Variants in PDE1C observed in about 807,000 individuals in gnomAD.
PDE1C encodes phosphodiesterase 1C.
A neutral mutation model predicts 93.1 loss-of-function variants in PDE1C; 62 were observed. The observed-to-expected ratio is 0.67, with a 90% CI of 0.54 to 0.82. The LOEUF (loss-of-function observed/expected upper bound fraction) is 0.82, where lower values mean the gene tolerates loss of function less well. Ranked by LOEUF, PDE1C falls within the 40% of genes least tolerant of loss-of-function variation. The pLI, the probability that PDE1C is intolerant of heterozygous loss-of-function variation, is 0.00. For synonymous variants in PDE1C, 325 were observed against 310.1 expected, an observed-to-expected ratio of 1.05 and a Z score of -0.50; for missense variants, 742 against 884.6, an observed-to-expected ratio of 0.84 and a Z score of 2.04.
intron 1 of PDE1C, among the ~76,000 whole-genome samples, chr7:32,416,992 C>G (rs992895892): frequency 6.6e-6 from 1 of 152,180 alleles, no homozygotes; most frequent in Admixed American, 6.5e-5. Context: ...TAAACACCCA[C>G]CCCATGCCTG....
intron 2 of PDE1C, among the ~76,000 whole-genome samples, chr7:32,201,025 C>T (rs932380407): frequency 6.6e-6 from 1 of 152,212 alleles, no homozygotes; most frequent in Non-Finnish European, 1.5e-5. Context: ...TACTAGATTC[C>T]ATGGACTTAA....
chr7:31,898,020 TTGTGTGTGTGTGTGTGTGTGTG>T (rs140101637), intron 2 of PDE1C, among the ~76,000 whole-genome samples: 3 of 145,946 alleles, frequency 2.1e-5, no homozygotes, highest in African/African-American at 7.7e-5. Context: ...TTTGGTTTCT[TTGTGTGTGTGTGTGTGTGTGTG>T]TGTGTGTGTG....
chr7:32,358,639 C>T (rs1190496196), intron 1 of PDE1C, among the ~76,000 whole-genome samples: 3 of 152,130 alleles, frequency 2.0e-5, no homozygotes, highest in Non-Finnish European at 2.9e-5. Context: ...TGCAGCACAA[C>T]CAACAGTCAT....
intron 2 of PDE1C, among the ~76,000 whole-genome samples, chr7:31,887,624 T>C (rs959334210): frequency 6.6e-6 from 1 of 152,206 alleles, no homozygotes; most frequent in South Asian, 2.1e-4. Flanking sequence ...GACCGGACAC[T>C]GCACTAAATT....
At chr7:31,939,493 A>G (rs1805537766) in intron 2 of PDE1C, among the ~76,000 whole-genome samples, 1 of 152,174 alleles carries the variant, frequency 6.6e-6, no homozygotes, top group African/African-American at 2.4e-5. Context: ...AAAACACAGA[A>G]GGGATATTGA....
intron 16 of PDE1C, among the ~76,000 whole-genome samples, chr7:31,795,193 A>G (rs536164089): frequency 6.6e-6 from 1 of 152,066 alleles, no homozygotes; most frequent in Non-Finnish European, 1.5e-5. Context: ...GGCATTACCA[A>G]TGTAGATAGT....
At chr7:32,266,610 TG>T (rs1214945912) in intron 1 of PDE1C, among the ~76,000 whole-genome samples, 1 of 152,144 alleles carries the variant, frequency 6.6e-6, no homozygotes, top group African/African-American at 2.4e-5. Flanking sequence ...AGATAAGCTA[TG>T]AATGAATTAA....
chr7:31,969,226 G>T (rs906361698), intron 2 of PDE1C, among the ~76,000 whole-genome samples: 32 of 152,012 alleles, frequency 2.1e-4, no homozygotes, highest in African/African-American at 7.7e-4. Flanking sequence ...GGGAGAAAAT[G>T]TTTGCAACCT....
At chr7:31,830,543 G>A (rs971483193) in intron 11 of PDE1C, among the ~76,000 whole-genome samples, 1 of 152,154 alleles carries the variant, frequency 6.6e-6, no homozygotes, top group Non-Finnish European at 1.5e-5. Flanking sequence ...GACTAATTTG[G>A]TTAGAAACAC....
chr7:31,640,369 C>G, the PDE1C span, among the ~76,000 whole-genome samples: 1 of 152,174 alleles, frequency 6.6e-6, no homozygotes, highest in Admixed American at 6.6e-5. Context: ...GCTGAATACT[C>G]AAGAGAGACC....
At chr7:31,628,715 G>A in the PDE1C span, among the ~76,000 whole-genome samples, 2 of 151,986 alleles carry the variant, frequency 1.3e-5, no homozygotes, top group South Asian at 4.1e-4. Context: ...CTCGGCCTCC[G>A]AAAGTGCTGG....
chr7:31,809,182 CA>C (rs1422576154), intron 15 of PDE1C, 74 bp from the exon 16 acceptor site: 2 of 806,480 alleles, frequency 2.5e-6, no homozygotes, highest in Non-Finnish European at 4.3e-6. Flanking sequence ...TTAAGTCTGC[CA>C]AGTTTTGAAA....
At chr7:31,704,015 C>T in the PDE1C span, among the ~76,000 whole-genome samples, 1 of 152,080 alleles carries the variant, frequency 6.6e-6, no homozygotes, top group South Asian at 2.1e-4. Flanking sequence ...CCAAGGCCTG[C>T]TTAAGAGTGA....
intron 3 of PDE1C, among the ~76,000 whole-genome samples, chr7:32,078,740 C>T (rs1173411903): frequency 1.3e-5 from 2 of 152,026 alleles, no homozygotes; most frequent in East Asian, 1.9e-4. Flanking sequence ...GCCTGGGCAA[C>T]ATGGGAAGAC....
the PDE1C span, among the ~76,000 whole-genome samples, chr7:31,698,406 C>T: frequency 4.6e-5 from 7 of 152,302 alleles, no homozygotes; most frequent in East Asian, 1.9e-4. Context: ...TCACCACTTA[C>T]CTGTATACCA....
intron 7 of PDE1C, among the ~76,000 whole-genome samples, chr7:31,860,147 T>C (rs1280831726): frequency 6.6e-6 from 1 of 152,218 alleles, no homozygotes; most frequent in Non-Finnish European, 1.5e-5. Flanking sequence ...AGATGAGCAG[T>C]ATATGAGAAC....
At chr7:32,184,680 G>A (rs1479955454) in intron 2 of PDE1C, among the ~76,000 whole-genome samples, 1 of 152,170 alleles carries the variant, frequency 6.6e-6, no homozygotes, top group Non-Finnish European at 1.5e-5. Context: ...GATAGCATTA[G>A]GAGATATACC....
chr7:31,743,485 C>T, the PDE1C span, among the ~76,000 whole-genome samples: 20 of 152,046 alleles, frequency 1.3e-4, no homozygotes, highest in Non-Finnish European at 2.2e-4. Context: ...CTTCAGAGGA[C>T]GCTAGAACCA....
At chr7:32,000,439 G>T (rs999805691) in intron 2 of PDE1C, among the ~76,000 whole-genome samples, 2 of 152,184 alleles carry the variant, frequency 1.3e-5, no homozygotes, top group African/African-American at 4.8e-5. Flanking sequence ...AAAGGCTGGT[G>T]GGGTAGAAGG....
Sources: gnomAD v4.1 joint callset for allele counts (sites outside exome capture counted in the v4.1 genomes callset) on GRCh38, gnomAD v4.1.1 for gene constraint, MANE v1.5 for transcripts, NCBI Gene and HGNC (gene_info 2026-07-23, HGNC 2026-07-21) for gene names.